The following CHRM3 variants were observed in gnomAD, a reference collection of about 807,000 sequenced individuals.
CHRM3 encodes the protein muscarinic acetylcholine receptor M3.
Under a neutral mutation model 41.8 loss-of-function variants are expected in CHRM3, and 11 were observed. The ratio of observed to expected loss-of-function variants is 0.26; its 90% CI spans 0.17 to 0.44. The LOEUF (loss-of-function observed/expected upper bound fraction) is 0.44, where lower values mean the gene tolerates loss of function less well. Among genes scored for constraint, CHRM3 ranks in the 20% least tolerant of loss-of-function variants. The pLI is 1.00. For synonymous variants in CHRM3, 297 were observed against 301.4 expected, an observed-to-expected ratio of 0.99 and a Z score of 0.15; for missense variants, 571 against 745.4, an observed-to-expected ratio of 0.77 and a Z score of 2.72.
At chr1:239,900,377 C>CT (rs10567817) in intron 6 of CHRM3, among the ~76,000 whole-genome samples, 12,357 of 130,254 alleles carry the variant, frequency 0.095, 803 homozygotes, top group East Asian at 0.24. Flanking sequence ...TTTAGATATT[C>CT]TTTTTTTTTT....
At chr1:239,523,922 A>T (rs1007077856) in intron 2 of CHRM3, among the ~76,000 whole-genome samples, 1 of 152,192 alleles carries the variant, frequency 6.6e-6, no homozygotes, top group South Asian at 2.1e-4. Flanking sequence ...TAATGAATGG[A>T]ATATTTCTGT....
At chr1:239,417,799 T>C (rs577571918) in intron 1 of CHRM3, among the ~76,000 whole-genome samples, 1 of 152,274 alleles carries the variant, frequency 6.6e-6, no homozygotes, top group Admixed American at 6.5e-5. Flanking sequence ...TCTTTAGCCC[T>C]GGACAAATGC....
intron 5 of CHRM3, among the ~76,000 whole-genome samples, chr1:239,692,409 A>G (rs1387889024): frequency 6.6e-6 from 1 of 152,186 alleles, no homozygotes; most frequent in Middle Eastern, 3.2e-3. Context: ...TCCTTGAGTA[A>G]GAAATAGCAG....
chr1:239,900,169 A>C (rs1267757710), intron 6 of CHRM3, among the ~76,000 whole-genome samples: 1 of 152,180 alleles, frequency 6.6e-6, no homozygotes, highest in African/African-American at 2.4e-5. Context: ...AGTCAGGATG[A>C]GGAAGGAATA....
intron 1 of CHRM3, among the ~76,000 whole-genome samples, chr1:239,490,925 G>C (rs1667511174): frequency 6.6e-6 from 1 of 151,856 alleles, no homozygotes; most frequent in African/African-American, 2.4e-5. Flanking sequence ...ATTTTTTGTT[G>C]ACACGGGGTT....
intron 3 of CHRM3, among the ~76,000 whole-genome samples, chr1:239,599,128 G>T (rs1196216227): frequency 6.6e-6 from 1 of 152,058 alleles, no homozygotes; most frequent in African/African-American, 2.4e-5. Flanking sequence ...AAGGACTTTT[G>T]CCTTCTCGAC....
chr1:239,896,155 G>C (rs1217468783), intron 6 of CHRM3, among the ~76,000 whole-genome samples: 1 of 152,204 alleles, frequency 6.6e-6, no homozygotes. Context: ...AGTGCTCTGT[G>C]AGGTAACAGG....
chr1:239,697,247 C>G (rs1229008558), intron 5 of CHRM3, among the ~76,000 whole-genome samples: 1 of 152,110 alleles, frequency 6.6e-6, no homozygotes, highest in Non-Finnish European at 1.5e-5. Flanking sequence ...ATGCTGTTCT[C>G]ATGATAGTGA....
chr1:239,785,780 G>A (rs1442153017), intron 5 of CHRM3, among the ~76,000 whole-genome samples: 1 of 152,184 alleles, frequency 6.6e-6, no homozygotes, highest in African/African-American at 2.4e-5. Context: ...ACTGATGGAA[G>A]CAGCTGCCAC....
intron 6 of CHRM3, among the ~76,000 whole-genome samples, chr1:239,865,350 G>T (rs543674234): frequency 2.7e-4 from 41 of 152,128 alleles, no homozygotes; most frequent in Non-Finnish European, 5.4e-4. Flanking sequence ...GGGCATCCAG[G>T]GTATAAGGAT....
chr1:239,618,581 A>G (rs1486234099), intron 3 of CHRM3, among the ~76,000 whole-genome samples: 1 of 151,894 alleles, frequency 6.6e-6, no homozygotes. Context: ...GCGGTGGCTC[A>G]CGCCTGTAAT....
intron 5 of CHRM3, among the ~76,000 whole-genome samples, chr1:239,713,767 A>T (rs1451772735): frequency 1.3e-5 from 2 of 152,210 alleles, no homozygotes; most frequent in East Asian, 3.9e-4. Flanking sequence ...CTGAGGCACA[A>T]TTATGATTAC....
chr1:239,623,544 T>A (rs1668673870), intron 3 of CHRM3, among the ~76,000 whole-genome samples: 1 of 115,460 alleles, frequency 8.7e-6, no homozygotes, highest in Non-Finnish European at 1.8e-5. Flanking sequence ...CATGTGCACA[T>A]TGTGCAGGTT....
At chr1:239,430,686 TATACAC>T (rs1173473694) in intron 1 of CHRM3, among the ~76,000 whole-genome samples, 1 of 147,428 alleles carries the variant, frequency 6.8e-6, no homozygotes, top group Admixed American at 6.7e-5. Context: ...TATATATATA[TATACAC>T]ACACACACAT....
chr1:239,554,452 A>ATGTG (rs766457306), intron 3 of CHRM3, among the ~76,000 whole-genome samples: 6 of 150,666 alleles, frequency 4.0e-5, no homozygotes, highest in East Asian at 3.9e-4. Context: ...AAGGCATAGA[A>ATGTG]TGTGTGTGTG....
At chr1:239,536,104 T>G (rs1329640728) in intron 2 of CHRM3, among the ~76,000 whole-genome samples, 1 of 152,178 alleles carries the variant, frequency 6.6e-6, no homozygotes, top group Non-Finnish European at 1.5e-5. Context: ...CCAAATTCCA[T>G]CTGAATTCAG....
intron 4 of CHRM3, among the ~76,000 whole-genome samples, chr1:239,648,462 G>C (rs6701925): frequency 0.26 from 39,838 of 152,028 alleles, 5,392 homozygotes; most frequent in Admixed American, 0.29. Flanking sequence ...TATAACAAGA[G>C]AGTGTGGACA....
rs191532281 is a variant in CHRM3, at chr1:239,586,455, T to A, written c.-313+40706T>A. Among the ~76,000 whole-genome samples the A allele has an allele frequency of 2.7e-3, 417 of 152,194 alleles. 2 individuals are homozygous for A. Among genetic ancestry groups the A allele is most frequent in the African/African-American group, 9.5e-3 (395 of 41,520 alleles). ...AAAATGTCAGGGCTTTGAATACTCA[T>A]GAATCAAAACACAGACAAAAATAAA... On this transcript the variant is annotated intron_variant, in intron 3 of 6. Coordinates refer to ENST00000676153, the MANE Select transcript of CHRM3 (RefSeq NM_001375978.1).
chr1:239,814,341 T>G (rs1156378051), intron 5 of CHRM3, among the ~76,000 whole-genome samples: 1 of 152,120 alleles, frequency 6.6e-6, no homozygotes, highest in African/African-American at 2.4e-5. Flanking sequence ...AAATCCAGCC[T>G]CCTCTCCTTA....
Sources: gnomAD v4.1 joint callset for allele counts (sites outside exome capture counted in the v4.1 genomes callset) on GRCh38, gnomAD v4.1.1 for gene constraint, MANE v1.5 for transcripts, NCBI Gene and HGNC (gene_info 2026-07-23, HGNC 2026-07-21) for gene names.